Variants in ZNF362 observed in about 807,000 individuals in gnomAD.
The protein encoded by ZNF362 is zinc finger protein 362.
ZNF362 carries 11 observed loss-of-function variants against 42.9 expected under a neutral mutation model. That is an observed-to-expected ratio of 0.26 (90% confidence interval 0.16 to 0.42). The LOEUF is 0.42. Ranked by LOEUF, ZNF362 falls within the 20% of genes least tolerant of loss-of-function variation. The pLI, the probability that ZNF362 is intolerant of heterozygous loss-of-function variation, is 1.00. For missense variants in ZNF362, 362 were observed against 576.2 expected, an observed-to-expected ratio of 0.63 and a Z score of 3.81; for synonymous variants, 255 against 257.3, an observed-to-expected ratio of 0.99 and a Z score of 0.09.
intron 1 of ZNF362, among the ~76,000 whole-genome samples, chr1:33,260,258 G>T (rs1008632922): frequency 6.6e-6 from 1 of 152,184 alleles, no homozygotes; most frequent in Non-Finnish European, 1.5e-5. Flanking sequence ...TACTTTCTGG[G>T]CCTACAAGGC....
At chr1:33,202,567 C>T in the ZNF362 span, among the ~76,000 whole-genome samples, 1 of 148,062 alleles carries the variant, frequency 6.8e-6, no homozygotes, top group Non-Finnish European at 1.5e-5. Context: ...CACTGCACTC[C>T]AGCCTGGGTG....
the ZNF362 span, among the ~76,000 whole-genome samples, chr1:33,239,850 C>A: frequency 6.6e-6 from 1 of 152,092 alleles, no homozygotes; most frequent in Non-Finnish European, 1.5e-5. Flanking sequence ...TAGGAACCAA[C>A]CTGAAAACGC....
the ZNF362 span, chr1:33,195,354 G>A: frequency 6.6e-6 from 1 of 152,180 alleles, no homozygotes; most frequent in Admixed American, 6.5e-5. Context: ...ATAAGAACCA[G>A]ATTTACCTTT....
the ZNF362 span, among the ~76,000 whole-genome samples, chr1:33,233,716 T>C: frequency 4.6e-5 from 7 of 152,202 alleles, no homozygotes; most frequent in Admixed American, 3.9e-4. Context: ...TTTTTACACT[T>C]TCTTATAGTT....
chr1:33,224,532 G>T, the ZNF362 span, among the ~76,000 whole-genome samples: 10 of 152,288 alleles, frequency 6.6e-5, no homozygotes, highest in Non-Finnish European at 1.5e-4. Context: ...AATTGCAAGA[G>T]ATCTATAAGA....
At chr1:33,131,082 A>G in the ZNF362 span, among the ~76,000 whole-genome samples, 1 of 152,348 alleles carries the variant, frequency 6.6e-6, no homozygotes, top group East Asian at 1.9e-4. Flanking sequence ...AGATCAACAA[A>G]GCAGACTCAA....
At chr1:33,200,023 A>G in the ZNF362 span, 1 of 152,586 alleles carries the variant, frequency 6.6e-6, no homozygotes, top group Non-Finnish European at 1.5e-5. Context: ...CAAAAACAAA[A>G]CAAAACAAAC....
chr1:33,271,503 A>C (rs543925062), intron 2 of ZNF362, among the ~76,000 whole-genome samples: 28 of 152,310 alleles, frequency 1.8e-4, no homozygotes, highest in African/African-American at 6.3e-4. Flanking sequence ...GCCCAAGATC[A>C]CACAGCTGGT....
chr1:33,250,486 A>G, the ZNF362 span, among the ~76,000 whole-genome samples: 1 of 152,232 alleles, frequency 6.6e-6, no homozygotes, highest in Admixed American at 6.5e-5. Flanking sequence ...TAATGCAGGA[A>G]CAGAAAACCA....
intron 2 of ZNF362, among the ~76,000 whole-genome samples, chr1:33,272,469 G>A (rs531437840): frequency 4.6e-5 from 7 of 152,214 alleles, no homozygotes; most frequent in South Asian, 2.1e-4. Flanking sequence ...GGGGCGTTTC[G>A]TTCATCCGCC....
the ZNF362 span, among the ~76,000 whole-genome samples, chr1:33,196,752 A>C: frequency 6.6e-6 from 1 of 152,246 alleles, no homozygotes; most frequent in South Asian, 2.1e-4. Flanking sequence ...TATGTGCTAG[A>C]CTTTTATATG....
At chr1:33,151,286 G>A in the ZNF362 span, among the ~76,000 whole-genome samples, 3 of 152,084 alleles carry the variant, frequency 2.0e-5, no homozygotes, top group Admixed American at 1.3e-4. Context: ...CACTCACTGG[G>A]CCGGCCTAGG....
the ZNF362 span, among the ~76,000 whole-genome samples, chr1:33,220,679 C>T: frequency 6.6e-6 from 1 of 152,178 alleles, no homozygotes; most frequent in Non-Finnish European, 1.5e-5. Flanking sequence ...CCCAGCCAGG[C>T]CTGACTATGA....
the ZNF362 span, among the ~76,000 whole-genome samples, chr1:33,189,664 T>TACAC: frequency 2.7e-3 from 54 of 19,828 alleles, no homozygotes; most frequent in East Asian, 0.02. Flanking sequence ...TATATATATA[T>TACAC]ATATATATGT....
chr1:33,201,186 C>A, the ZNF362 span, among the ~76,000 whole-genome samples: 1 of 152,098 alleles, frequency 6.6e-6, no homozygotes, highest in African/African-American at 2.4e-5. Flanking sequence ...GACAAAGCCA[C>A]AATGATAGTA....
chr1:33,299,183 T>C lies in ZNF362; in HGVS notation c.*137T>C, dbSNP rs1485139097. 1.5e-5 allele frequency: 10 copies of C among 686,564 alleles called. No individual in the cohort carries two copies. Among genetic ancestry groups the C allele is most frequent in the Non-Finnish European group, 2.5e-5 (10 of 402,020 alleles). The allele number at this position is 686,564 out of a possible 1,614,324, so 42.5% of individuals were successfully genotyped here. A position where few individuals can be genotyped will look rare whatever the true frequency, so the allele number is the denominator to read the frequency against. On this transcript the variant is annotated 3_prime_UTR_variant, in exon 9 of 9. Coordinates refer to ENST00000539719, the MANE Select transcript of ZNF362 (RefSeq NM_152493.3). ...CTTCCCAATCTTCCAGAAAGCTTGG[T>C]CCGCAGAAGCCCTGCCTGGTCCAGT...
intron 1 of ZNF362, among the ~76,000 whole-genome samples, chr1:33,265,328 G>C (rs1248355731): frequency 6.6e-6 from 1 of 151,852 alleles, no homozygotes; most frequent in African/African-American, 2.4e-5. Flanking sequence ...GTGTTGGGGA[G>C]GGGGAGGGAC....
intron 6 of ZNF362, among the ~76,000 whole-genome samples, chr1:33,288,207 G>A (rs558673589): frequency 1.3e-5 from 2 of 152,288 alleles, no homozygotes; most frequent in East Asian, 1.9e-4. Context: ...CAGGTTACCC[G>A]GCTAAGAGGT....
intron 4 of ZNF362, among the ~76,000 whole-genome samples, chr1:33,279,733 C>T (rs982730967): frequency 1.3e-5 from 2 of 151,334 alleles, no homozygotes; most frequent in African/African-American, 2.4e-5. Context: ...TGCATACATA[C>T]GTAGTTTGCT....
Sources: allele counts gnomAD v4.1 joint callset (sites outside exome capture counted in the v4.1 genomes callset), GRCh38; gene constraint gnomAD v4.1.1; transcripts MANE v1.5; gene names NCBI Gene and HGNC (gene_info 2026-07-23, HGNC 2026-07-21).